The following CTC1 variants were observed in gnomAD, a reference collection of about 807,000 sequenced individuals.
CTC1 encodes CST complex subunit CTC1.
CTC1 carries 91 observed loss-of-function variants against 136.3 expected under a neutral mutation model. That is an observed-to-expected ratio of 0.67 (90% CI 0.56 to 0.79). The LOEUF (loss-of-function observed/expected upper bound fraction) is 0.79, where lower values mean the gene tolerates loss of function less well. Ranked by LOEUF, CTC1 falls within the 30% of genes least tolerant of loss-of-function variation. The pLI, the probability that CTC1 is intolerant of heterozygous loss-of-function variation, is 0.00. For missense variants in CTC1, 1,432 were observed against 1,498.1 expected, an observed-to-expected ratio of 0.96 and a Z score of 0.73; for synonymous variants, 606 against 613.8, an observed-to-expected ratio of 0.99 and a Z score of 0.19.
intron 15 of CTC1, 26 bp downstream of exon 15, chr17:8,231,250 A>G (rs1301235755): frequency 2.0e-6 from 3 of 1,491,078 alleles, no homozygotes; most frequent in Non-Finnish European, 2.7e-6. Context: ...GGCCAAATTA[A>G]CCAGAGGGGC....
chr17:8,231,857 G>A (rs369925133), intron 13 of CTC1, 42 bp from the exon 14 acceptor site: 1 of 1,613,216 alleles, frequency 6.2e-7, no homozygotes, highest in Admixed American at 1.7e-5. Flanking sequence ...CTAGCCAGAG[G>A]CTCAGGGCGC....
In CTC1 at chr17:8,228,322, G is replaced by A. The variant is rs776835897; in HGVS notation, c.3515-3C>T. ...GAATCGCTGTAGCCGAGGAGGTTCT[G>A]AGGTGGGAAGAGAGGAAAAACACAC... On this transcript the variant is annotated splice_polypyrimidine_tract_variant and splice_region_variant and intron_variant, in intron 22 of 22. Transcript: ENST00000651323. 5.0e-6 allele frequency: 8 copies of A among 1,613,400 alleles called. No individual in the cohort carries two copies. The Admixed American group carries it at 1.2e-4, about 24-fold the overall frequency.
At chr17:8,238,814 G>A (rs116272586) in intron 2 of CTC1, among the ~76,000 whole-genome samples, 185 bp from the exon 3 acceptor site, 17 of 152,196 alleles carry the variant, frequency 1.1e-4, no homozygotes, top group South Asian at 6.2e-4. Context: ...GGATGGGGCC[G>A]GGCGAGTGGC....
chr17:8,241,726 A>T (rs972931663), intron 2 of CTC1, among the ~76,000 whole-genome samples: 2 of 151,422 alleles, frequency 1.3e-5, no homozygotes, highest in Non-Finnish European at 2.9e-5. Context: ...TGTGGCATGC[A>T]CCTGTGGTCC....
At chr17:8,229,116 A>G (rs941333270) in intron 20 of CTC1, 26 bp downstream of exon 20, 6 of 1,610,392 alleles carry the variant, frequency 3.7e-6, no homozygotes, top group Non-Finnish European at 5.1e-6. Context: ...TAAATGGCAC[A>G]ATGGGTGCAC....
Position 8,234,637 on chromosome 17 carries a change from G to A in CTC1, c.1636C>T (p.Pro546Ser), listed in dbSNP as rs1987536829. Reference protein sequence around the residue: ...PLQKYTRLQTPSSFPTLATLK... With the variant: ...PLQKYTRLQTSSSFPTLATLK... ...GTGGCCAGAGTGGGGAAGGAGGAGG[G>A]AGTCTGCAGCCGAGTGTACTGTCAA... The change falls in exon 10 of 23, where the codon CCC (proline) becomes TCC (serine). Residue 546 changes from proline (P) to serine (S), a missense_variant. Coordinates refer to ENST00000651323, the MANE Select transcript of CTC1 (RefSeq NM_025099.6). 2.5e-6 allele frequency: 4 copies of A among 1,612,110 alleles called. No individual in the cohort carries two copies. The highest frequency in any genetic ancestry group is 3.4e-6 in the Non-Finnish European group (4 of 1,178,878).
At chr17:8,229,755 A>G in intron 18 of CTC1, 136 bp downstream of exon 18, 1 of 716,828 alleles carries the variant, frequency 1.4e-6, no homozygotes, top group Non-Finnish European at 2.4e-6. Context: ...TTTGGAGTAG[A>G]GAAGCTCCTC....
chr17:8,235,938 T>G lies in CTC1; in HGVS notation c.1099A>C (p.Asn367His), dbSNP rs2095866519. 6.2e-7 allele frequency: 1 copy of G among 1,610,460 alleles called. No homozygotes were observed. Reference sequence around the variant, plus strand: ...AGCTCATAGAGGCCAGCGGGCTCATTCAACACGCCAGTGACTGCTCCCTGC... The same window carrying G: ...AGCTCATAGAGGCCAGCGGGCTCATGCAACACGCCAGTGACTGCTCCCTGC... The part of the protein sequence containing the change: ...SYSGAVTGVL[N>H]EPAGLYELDG... Residue 367 changes from asparagine (N) to histidine (H), a missense_variant, in exon 7 of 23, where the codon AAT becomes CAT. Physicochemically the swap from Asn to His is moderately conservative, Grantham distance 68 (BLOSUM62 1). Transcript: ENST00000651323.
Position 8,235,246 on chromosome 17 carries a change from T to C in CTC1, c.1246A>G (p.Thr416Ala). 1 of 1,613,612 alleles carries C rather than the reference T, an allele frequency of 6.2e-7. No homozygotes were observed. Among genetic ancestry groups the C allele is most frequent in the Non-Finnish European group, 8.5e-7 (1 of 1,179,868 alleles). ...CAGGGGGCGAGCACTGGCCTTCTTGTCCCCCCTCCCACTGACTGGAGCAGG... is the reference window on the plus strand; with the variant it reads ...CAGGGGGCGAGCACTGGCCTTCTTGCCCCCCCTCCCACTGACTGGAGCAGG... ...VHLLQSVGGGTRRPVLAPCLR... is the reference protein window; with the variant it reads ...VHLLQSVGGGARRPVLAPCLR... Residue 416 changes from threonine to alanine, a missense_variant, in exon 8 of 23, where the codon ACA becomes GCA. Physicochemically the swap from Thr to Ala is moderately conservative, Grantham distance 58. Transcript: ENST00000651323.
In CTC1 at chr17:8,227,839, T is replaced by C. The variant is rs769646982; in HGVS notation, c.*341A>G. 25 of 212,684 alleles carry C rather than the reference T, an allele frequency of 1.2e-4. No homozygotes were observed. The highest frequency in any genetic ancestry group is 2.3e-4 in the African/African-American group (10 of 43,556). The allele number at this position is 212,684 out of a possible 1,614,324, so 13.2% of individuals were successfully genotyped here. A position where few individuals can be genotyped will look rare whatever the true frequency, so the allele number is the denominator to read the frequency against. On this transcript the variant is annotated 3_prime_UTR_variant, in exon 23 of 23. Transcript: ENST00000651323. The stretch of plus-strand genomic sequence containing the variant: ...TGAGAAATGACACCAGAGGGCTTCA[T>C]TGCAGGTCAATAGGCCTGTCACCAT...
chr17:8,226,492 T>C lies in CTC1; in HGVS notation c.*1688A>G, dbSNP rs914607612. 2 of 152,230 alleles carry C rather than the reference T, an allele frequency of 1.3e-5. No individual in the cohort carries two copies. The highest frequency in any genetic ancestry group is 2.4e-5 in the African/African-American group (1 of 41,460). 9.4% of individuals were successfully genotyped at this position (152,230 alleles called of 1,614,324 possible). Reference sequence around the variant, plus strand: ...AATCATAGATTTCAAACCAAAATCATAGACTCTAAATCAAATTCTCGATTC... The same window carrying C: ...AATCATAGATTTCAAACCAAAATCACAGACTCTAAATCAAATTCTCGATTC... On this transcript the variant is annotated 3_prime_UTR_variant, in exon 23 of 23. Coordinates refer to ENST00000651323, the MANE Select transcript of CTC1 (RefSeq NM_025099.6).
chr17:8,241,292 A>AACAACC (rs148097858), intron 2 of CTC1, among the ~76,000 whole-genome samples: 2,947 of 151,244 alleles, frequency 0.019, 98 homozygotes, highest in African/African-American at 0.068. Context: ...CATCTCAAAA[A>AACAACC]ACAAACAAAA....
At chr17:8,236,430 A>C (rs1987735374) in intron 5 of CTC1, 88 bp from the exon 6 acceptor site, 2 of 1,394,334 alleles carry the variant, frequency 1.4e-6, no homozygotes, top group Non-Finnish European at 1.9e-6. Context: ...ATTTGAACTC[A>C]GAGACCTGCC....
chr17:8,224,823 A>ATCAT lies in CTC1; in HGVS notation c.*3353_*3356dup, dbSNP rs1986495592. 1 of 151,962 alleles carries ATCAT rather than the reference A, an allele frequency of 6.6e-6. No homozygotes were observed. The highest frequency in any genetic ancestry group is 2.1e-4 in the South Asian group (1 of 4,840). 9.4% of individuals were successfully genotyped at this position (151,962 alleles called of 1,614,324 possible). A position where few individuals can be genotyped will look rare whatever the true frequency, so the allele number is the denominator to read the frequency against. ...ATAACCAAGAACTAACAAACAGCTG[A>ATCAT]TCATTCGTTTATTTTATTTCATTTT... On this transcript the variant is annotated 3_prime_UTR_variant, in exon 23 of 23. Coordinates refer to ENST00000651323, the MANE Select transcript of CTC1 (RefSeq NM_025099.6).
At chr17:8,230,218 A>T (rs925329630) in intron 17 of CTC1, 76 bp downstream of exon 17, 42 of 1,451,582 alleles carry the variant, frequency 2.9e-5, no homozygotes, top group Non-Finnish European at 3.9e-5. Flanking sequence ...TCGCTGCAGC[A>T]AAGTTAAGCA....
Position 8,226,850 on chromosome 17 carries a change from G to C in CTC1, c.*1330C>G, listed in dbSNP as rs1176275210. The C allele has an allele frequency of 3.3e-5, 5 of 151,838 alleles. No homozygotes were observed. Among genetic ancestry groups the C allele is most frequent in the African/African-American group, 4.9e-5 (2 of 41,140 alleles). 9.4% of individuals were successfully genotyped at this position (151,838 alleles called of 1,614,324 possible). A position where few individuals can be genotyped will look rare whatever the true frequency, so the allele number is the denominator to read the frequency against. On this transcript the variant is annotated 3_prime_UTR_variant, in exon 23 of 23. Coordinates refer to ENST00000651323, the MANE Select transcript of CTC1 (RefSeq NM_025099.6). ...CAGAGACTCCTCCCTCCAAGCCTTC[G>C]GGAGCGCTAGTGATTCAGGGAATAG...
chr17:8,227,058 A>C lies in CTC1; in HGVS notation c.*1122T>G, dbSNP rs987200385. The C allele has an allele frequency of 6.6e-6, 1 of 152,454 alleles. No homozygotes were observed. Among genetic ancestry groups the C allele is most frequent in the Non-Finnish European group, 1.5e-5 (1 of 68,048 alleles). 9.4% of individuals were successfully genotyped at this position (152,454 alleles called of 1,614,324 possible). On this transcript the variant is annotated 3_prime_UTR_variant, in exon 23 of 23. Coordinates refer to ENST00000651323, the MANE Select transcript of CTC1 (RefSeq NM_025099.6). ...CACCACGCTCTAACCAACTGAGCTA[A>C]CCGGCCACTAACTTTCCGGGTCTAC...
In CTC1 at chr17:8,238,393, T is replaced by C. The variant is rs1987927376; in HGVS notation, c.434A>G (p.Glu145Gly). The change falls in exon 3 of 23, where the codon GAG (glutamate) becomes GGG (glycine). Residue 145 changes from glutamate (E) to glycine (G), a missense_variant and splice_region_variant. Physicochemically the swap from Glu to Gly is moderately conservative, Grantham distance 98. Coordinates refer to ENST00000651323, the MANE Select transcript of CTC1 (RefSeq NM_025099.6). ...VRDNTGVLSC[E>G]LIDLDLSWLG... ...ATCTGATCTCCACCTTCCACTCACC[T>C]CACAGCTCAGGACGCCAGTGTTATC... 2 of 1,613,190 alleles carry C rather than the reference T, an allele frequency of 1.2e-6. No homozygotes were observed. Among genetic ancestry groups the C allele is most frequent in the East Asian group, 2.2e-5 (1 of 44,888 alleles).
intron 2 of CTC1, among the ~76,000 whole-genome samples, chr17:8,242,398 A>G (rs909212840): frequency 2.0e-5 from 3 of 151,964 alleles, no homozygotes; most frequent in Non-Finnish European, 4.4e-5. Flanking sequence ...AGCCTCTAAT[A>G]TGTTAATAAA....
Sources: allele counts gnomAD v4.1 joint callset (sites outside exome capture counted in the v4.1 genomes callset), GRCh38; gene constraint gnomAD v4.1.1; transcripts MANE v1.5; gene names NCBI Gene and HGNC (gene_info 2026-07-23, HGNC 2026-07-21).